Variants in SYT1 observed in about 807,000 individuals in gnomAD.
SYT1 encodes synaptotagmin-1.
SYT1 carries 8 observed loss-of-function variants against 44.8 expected under a neutral mutation model. The observed-to-expected ratio is 0.18, with a 90% CI of 0.10 to 0.32. SYT1 has a LOEUF of 0.32. Ranked by LOEUF, SYT1 falls within the 10% of genes least tolerant of loss-of-function variation. The pLI is 1.00. For synonymous variants in SYT1, 154 were observed against 188.8 expected, an observed-to-expected ratio of 0.82 and a Z score of 1.51; for missense variants, 286 against 509.3, an observed-to-expected ratio of 0.56 and a Z score of 4.22.
intron 2 of SYT1, among the ~76,000 whole-genome samples, chr12:79,037,990 G>C (rs1178827223): frequency 6.6e-6 from 1 of 151,520 alleles, no homozygotes; most frequent in Non-Finnish European, 1.5e-5. Context: ...TATTTTTAAA[G>C]GATAGTTGTA....
chr12:78,996,423 G>A (rs1259171521), intron 2 of SYT1, among the ~76,000 whole-genome samples: 3 of 152,176 alleles, frequency 2.0e-5, no homozygotes, highest in Admixed American at 2.0e-4. Context: ...TTGAGACAAA[G>A]TTAGAGAAAA....
At chr12:79,187,698 A>G (rs1390610253) in intron 3 of SYT1, among the ~76,000 whole-genome samples, 1 of 152,110 alleles carries the variant, frequency 6.6e-6, no homozygotes, top group Non-Finnish European at 1.5e-5. Context: ...CTATTCCAGT[A>G]TATTTCTTTT....
chr12:78,988,073 C>A (rs899718936), intron 2 of SYT1, among the ~76,000 whole-genome samples: 2 of 152,026 alleles, frequency 1.3e-5, no homozygotes, highest in East Asian at 1.9e-4. Context: ...GTCAAGAAAT[C>A]AAACCTGTCA....
chr12:79,078,501 A>AT (rs1040225598), intron 3 of SYT1, among the ~76,000 whole-genome samples: 10 of 151,808 alleles, frequency 6.6e-5, no homozygotes, highest in Non-Finnish European at 1.5e-4. Context: ...ATTTTCCATT[A>AT]TTTTTTTTCT....
intron 3 of SYT1, among the ~76,000 whole-genome samples, chr12:79,110,229 G>C (rs929031599): frequency 5.9e-5 from 9 of 151,958 alleles, no homozygotes; most frequent in African/African-American, 2.2e-4. Flanking sequence ...AATAGCTAGA[G>C]ATGTAGGAAA....
At chr12:79,259,187 C>G (rs1169718748) in intron 4 of SYT1, among the ~76,000 whole-genome samples, 1 of 152,190 alleles carries the variant, frequency 6.6e-6, no homozygotes, top group Non-Finnish European at 1.5e-5. Flanking sequence ...CTCACCAAAT[C>G]ATTTTACAAT....
chr12:78,884,597 A>G (rs1251115145), intron 1 of SYT1, among the ~76,000 whole-genome samples: 1 of 151,372 alleles, frequency 6.6e-6, no homozygotes, highest in African/African-American at 2.4e-5. Context: ...TTAATAATTG[A>G]TTCTCTTTAT....
chr12:79,401,860 G>A (rs542520365), intron 9 of SYT1, among the ~76,000 whole-genome samples: 183 of 152,018 alleles, frequency 1.2e-3, no homozygotes, highest in Middle Eastern at 0.01. Context: ...GTAAAGTCAT[G>A]GTCTTGCTAT....
chr12:79,247,092 T>G (rs558556768), intron 4 of SYT1, among the ~76,000 whole-genome samples: 1 of 152,292 alleles, frequency 6.6e-6, no homozygotes, highest in East Asian at 1.9e-4. Context: ...TGTTTCCAAT[T>G]CCAAGTGTCA....
At chr12:78,889,872 T>C (rs1874953109) in intron 1 of SYT1, among the ~76,000 whole-genome samples, 1 of 151,930 alleles carries the variant, frequency 6.6e-6, no homozygotes, top group Non-Finnish European at 1.5e-5. Flanking sequence ...ATATAATTAA[T>C]AAAGACACTG....
rs186762486 is a variant in SYT1, at chr12:79,324,447, C to T, written c.810+24896C>T. On this transcript the variant is annotated intron_variant, in intron 8 of 10. Coordinates refer to ENST00000261205, the MANE Select transcript of SYT1 (RefSeq NM_005639.3). The stretch of plus-strand genomic sequence containing the variant: ...GACCCCGCCTTCATTCCCTTTTCTC[C>T]TCTTAACACCTCTGCCAGCAAGAAC... Among the ~76,000 whole-genome samples the T allele has an allele frequency of 1.6e-3, 238 of 152,222 alleles. 1 individual carries two copies. The highest frequency in any genetic ancestry group is 5.4e-3 in the African/African-American group (225 of 41,512).
At chr12:79,445,580 T>C (rs929868013) in intron 10 of SYT1, among the ~76,000 whole-genome samples, 1 of 152,086 alleles carries the variant, frequency 6.6e-6, no homozygotes, top group African/African-American at 2.4e-5. Context: ...CTTATTTCAC[T>C]TAACATAATG....
At chr12:79,252,341 A>G (rs1412303437) in intron 4 of SYT1, among the ~76,000 whole-genome samples, 3 of 152,200 alleles carry the variant, frequency 2.0e-5, no homozygotes, top group African/African-American at 7.2e-5. Flanking sequence ...CATCATCATC[A>G]TCATCACCAT....
chr12:78,996,056 C>G (rs951928437), intron 2 of SYT1, among the ~76,000 whole-genome samples: 1 of 151,980 alleles, frequency 6.6e-6, no homozygotes, highest in Non-Finnish European at 1.5e-5. Flanking sequence ...TAACCCAGGT[C>G]TATCTCCATC....
At chr12:79,361,776 G>C (rs905046063) in intron 9 of SYT1, among the ~76,000 whole-genome samples, 2 of 152,204 alleles carry the variant, frequency 1.3e-5, no homozygotes, top group African/African-American at 4.8e-5. Flanking sequence ...TGTATCTGTG[G>C]TACAGAAGAG....
At position 79,346,730 on chromosome 12, in the gene SYT1, G is replaced by A. The variant is rs772857033; in HGVS notation, c.811-6772G>A. ...CGTTACTTGACTGGATTAAAATGGA[G>A]ACACTGTTGTTAAAGCACTAACATC... On this transcript the variant is annotated intron_variant, in intron 8 of 10. Coordinates refer to ENST00000261205, the MANE Select transcript of SYT1 (RefSeq NM_005639.3). Among the ~76,000 whole-genome samples, 18 of 152,280 alleles carry A rather than the reference G, an allele frequency of 1.2e-4. 1 individual carries two copies. In the Middle Eastern group the frequency reaches 0.01, roughly 86 times the overall value.
chr12:79,007,121 G>A (rs1225107851), intron 2 of SYT1, among the ~76,000 whole-genome samples: 1 of 152,132 alleles, frequency 6.6e-6, no homozygotes, highest in Non-Finnish European at 1.5e-5. Flanking sequence ...TGACAGGCAT[G>A]ACAGCCAGCC....
At chr12:79,340,228 G>C (rs1882300134) in intron 8 of SYT1, among the ~76,000 whole-genome samples, 2 of 152,296 alleles carry the variant, frequency 1.3e-5, no homozygotes, top group South Asian at 2.1e-4. Context: ...TAGCTTGATG[G>C]GGATGGCACT....
intron 9 of SYT1, among the ~76,000 whole-genome samples, chr12:79,391,339 C>T (rs1035789844): frequency 1.3e-5 from 2 of 152,142 alleles, no homozygotes; most frequent in Admixed American, 1.3e-4. Flanking sequence ...GAAGCACCAG[C>T]TCAAAGATAT....
Sources: gnomAD v4.1 joint callset for allele counts (sites outside exome capture counted in the v4.1 genomes callset) on GRCh38, gnomAD v4.1.1 for gene constraint, MANE v1.5 for transcripts, NCBI Gene and HGNC (gene_info 2026-07-23, HGNC 2026-07-21) for gene names.